The following PHACTR1 variants were observed in gnomAD, a reference collection of about 807,000 sequenced individuals.
PHACTR1 encodes phosphatase and actin regulator 1, also known as RPEL repeat containing 1.
PHACTR1 carries 16 observed loss-of-function variants against 69.2 expected under a neutral mutation model. The observed-to-expected ratio is 0.23, with a 90% CI of 0.16 to 0.35. PHACTR1 has a LOEUF of 0.35. Ranked by LOEUF, PHACTR1 falls within the 10% of genes least tolerant of loss-of-function variation. PHACTR1 has a pLI of 1.00. For synonymous variants in PHACTR1, 312 were observed against 284.5 expected (o/e 1.10, Z -0.97); for missense variants, 510 against 734.7 (o/e 0.69, Z 3.54).
At chr6:13,118,583 A>G (rs990613225) in intron 5 of PHACTR1, among the ~76,000 whole-genome samples, 4 of 144,572 alleles carry the variant, frequency 2.8e-5, no homozygotes, top group Non-Finnish European at 5.9e-5. Context: ...GGTTCAAGCT[A>G]TTCTTCTGCC....
chr6:12,992,771 G>T (rs776078935), intron 4 of PHACTR1, among the ~76,000 whole-genome samples: 67 of 152,258 alleles, frequency 4.4e-4, no homozygotes, highest in Admixed American at 1.9e-3. Context: ...AGGGGCTCCC[G>T]AGTGGGTCTT....
chr6:12,989,494 T>C (rs1796572249), intron 4 of PHACTR1, among the ~76,000 whole-genome samples: 1 of 152,294 alleles, frequency 6.6e-6, no homozygotes, highest in South Asian at 2.1e-4. Context: ...CTCATTCCAA[T>C]GCAACTTCAG....
chr6:13,138,769 G>GT (rs1821946275), intron 5 of PHACTR1, among the ~76,000 whole-genome samples: 1 of 152,214 alleles, frequency 6.6e-6, no homozygotes, highest in South Asian at 2.1e-4. Context: ...TTTCCTTCCA[G>GT]TGGTGACCTT....
intron 4 of PHACTR1, among the ~76,000 whole-genome samples, chr6:13,016,374 C>T (rs578124712): frequency 6.6e-6 from 1 of 152,142 alleles, no homozygotes. Context: ...CTTGGTGGCA[C>T]CCACAGAAAA....
chr6:12,914,463 T>G (rs1786747011), intron 4 of PHACTR1, among the ~76,000 whole-genome samples: 2 of 152,188 alleles, frequency 1.3e-5, no homozygotes. Flanking sequence ...TGTCCGCACT[T>G]CACTTCAGCT....
intron 4 of PHACTR1, among the ~76,000 whole-genome samples, chr6:12,872,451 C>T (rs1457633280): frequency 1.3e-5 from 2 of 152,152 alleles, no homozygotes; most frequent in Non-Finnish European, 2.9e-5. Context: ...CACACAGACA[C>T]ACACACACAT....
chr6:12,749,751 T>C lies in PHACTR1; in HGVS notation c.211T>C (p.Tyr71His), dbSNP rs781189534. ...RRVRSKSDTP[Y>H]LAEARISFNL... The stretch of plus-strand genomic sequence containing the variant: ...AGTGCGCTCCAAGAGCGACACGCCG[T>C]ACCTCGCAGAGGCCAGGATCTCCTT... Residue 71 changes from tyrosine to histidine, a missense_variant, in exon 4 of 15, where the codon TAC (tyrosine) becomes CAC (histidine). Tyr to His is a moderately conservative substitution (Grantham distance 83, BLOSUM62 2). Around this residue, in one of 2 missense-constraint regions of PHACTR1, gnomAD observed 419 missense variants for 530.9 expected, o/e 0.79. Coordinates refer to ENST00000332995, the MANE Select transcript of PHACTR1 (RefSeq NM_030948.6). 1 of 1,610,268 alleles carries C rather than the reference T, an allele frequency of 6.2e-7. No individual in the cohort carries two copies. Among genetic ancestry groups the C allele is most frequent in the Non-Finnish European group, 8.5e-7 (1 of 1,178,616 alleles).
At chr6:13,129,373 A>T (rs6921579) in intron 5 of PHACTR1, among the ~76,000 whole-genome samples, 90,584 of 151,880 alleles carry the variant, frequency 0.6, 27,137 homozygotes, top group East Asian at 0.78. Flanking sequence ...CAGAATGAAT[A>T]AAAAAATCCA....
intron 10 of PHACTR1, among the ~76,000 whole-genome samples, chr6:13,260,226 G>A (rs1775728223): frequency 6.6e-6 from 1 of 152,192 alleles, no homozygotes; most frequent in African/African-American, 2.4e-5. Context: ...TATCACCAAT[G>A]TAATGGATAA....
chr6:13,029,968 T>G (rs1802225775), intron 4 of PHACTR1, among the ~76,000 whole-genome samples: 1 of 152,226 alleles, frequency 6.6e-6, no homozygotes. Context: ...CTTCTCAGAC[T>G]AAGCCTCAGT....
chr6:12,914,458 G>A (rs11754198), intron 4 of PHACTR1, among the ~76,000 whole-genome samples: 14,595 of 152,104 alleles, frequency 0.096, 1,499 homozygotes, highest in African/African-American at 0.26. Context: ...CTGTATGTCC[G>A]CACTTCACTT....
chr6:12,855,976 G>A (rs1307889329), intron 4 of PHACTR1, among the ~76,000 whole-genome samples: 1 of 152,162 alleles, frequency 6.6e-6, no homozygotes, highest in South Asian at 2.1e-4. Context: ...ACAGCCCAGG[G>A]CATGTAAACT....
chr6:13,019,686 G>T (rs1439317077), intron 4 of PHACTR1, among the ~76,000 whole-genome samples: 2 of 152,136 alleles, frequency 1.3e-5, no homozygotes, highest in East Asian at 3.8e-4. Flanking sequence ...TAAACAATTT[G>T]TGAAATCTAT....
At chr6:13,231,667 A>T (rs1027891954) in intron 10 of PHACTR1, among the ~76,000 whole-genome samples, 15 of 152,218 alleles carry the variant, frequency 9.9e-5, no homozygotes, top group Non-Finnish European at 2.1e-4. Flanking sequence ...TTATGTATGG[A>T]TATTACAGAC....
At chr6:12,982,310 T>C (rs904476334) in intron 4 of PHACTR1, among the ~76,000 whole-genome samples, 2 of 152,212 alleles carry the variant, frequency 1.3e-5, no homozygotes, top group Non-Finnish European at 2.9e-5. Context: ...CGGCTACTGC[T>C]TAGAACCCTG....
chr6:12,870,642 A>G (rs1781940582), intron 4 of PHACTR1, among the ~76,000 whole-genome samples: 1 of 152,236 alleles, frequency 6.6e-6, no homozygotes, highest in Non-Finnish European at 1.5e-5. Flanking sequence ...ATACACAGGT[A>G]CACACAACCA....
chr6:13,220,934 TA>T (rs1768508825), intron 8 of PHACTR1, among the ~76,000 whole-genome samples: 2 of 152,164 alleles, frequency 1.3e-5, no homozygotes, highest in South Asian at 2.1e-4. Context: ...GGCTCACAGT[TA>T]ATTGGCGTGG....
chr6:12,784,678 A>G (rs759144683), intron 4 of PHACTR1, among the ~76,000 whole-genome samples: 3 of 151,694 alleles, frequency 2.0e-5, no homozygotes, highest in Non-Finnish European at 4.4e-5. Flanking sequence ...ATACATACAC[A>G]TCCACACGTG....
At chr6:12,866,467 C>T (rs1781465543) in intron 4 of PHACTR1, among the ~76,000 whole-genome samples, 1 of 152,124 alleles carries the variant, frequency 6.6e-6, no homozygotes, top group Non-Finnish European at 1.5e-5. Flanking sequence ...TTCTCTCTCC[C>T]TGAAAAAGAA....
Sources: allele counts gnomAD v4.1 joint callset (sites outside exome capture counted in the v4.1 genomes callset), GRCh38; gene constraint gnomAD v4.1.1; regional missense constraint gnomAD v4.1.1; transcripts MANE v1.5; gene names NCBI Gene and HGNC (gene_info 2026-07-23, HGNC 2026-07-21).